SLC35F3: variants seen among roughly 807,000 people sequenced by gnomAD.
SLC35F3 encodes the protein putative thiamine transporter SLC35F3.
Under a neutral mutation model 49.9 loss-of-function variants are expected in SLC35F3, and 25 were observed. The observed-to-expected ratio is 0.50, with a 90% CI of 0.37 to 0.70. The LOEUF is 0.70. SLC35F3 is among the 30% of genes least tolerant of loss of function. The pLI is 0.00. For missense variants in SLC35F3, 525 were observed against 639.8 expected, an observed-to-expected ratio of 0.82 and a Z score of 1.94; for synonymous variants, 275 against 265.4, an observed-to-expected ratio of 1.04 and a Z score of -0.35.
At chr1:234,178,398 T>C (rs1355514964) in intron 2 of SLC35F3, among the ~76,000 whole-genome samples, 6 of 151,988 alleles carry the variant, frequency 3.9e-5, no homozygotes, top group Non-Finnish European at 8.8e-5. Flanking sequence ...TTATATTGTT[T>C]CTCTCATTGA....
chr1:234,024,854 T>C (rs573907654), intron 2 of SLC35F3, among the ~76,000 whole-genome samples: 4 of 152,332 alleles, frequency 2.6e-5, no homozygotes, highest in Non-Finnish European at 4.4e-5. Flanking sequence ...GGGTTACATG[T>C]GCAGGTTTGT....
In SLC35F3 at chr1:234,117,964, GTA is replaced by G. The variant is rs1212715599; in HGVS notation, c.284-113442_284-113441del. ...TGTGTGTGTGTGTGTGTGTGTGTGTGTATATATATATAAAACCACAAGAAACT... is the reference window on the plus strand; with the variant it reads ...TGTGTGTGTGTGTGTGTGTGTGTGTGTATATATATAAAACCACAAGAAACT... On this transcript the variant is annotated intron_variant, in intron 2 of 7. Coordinates refer to ENST00000366618, the MANE Select transcript of SLC35F3 (RefSeq NM_173508.4). Among the ~76,000 whole-genome samples, 22 of 129,960 alleles carry G rather than the reference GTA, an allele frequency of 1.7e-4. 1 individual carries two copies. The highest frequency in any genetic ancestry group is 2.4e-4 in the Non-Finnish European group (15 of 62,672). 85.3% of individuals were successfully genotyped at this position (129,960 alleles called of 152,430 possible).
chr1:233,949,380 G>A (rs1207870072), intron 2 of SLC35F3, among the ~76,000 whole-genome samples: 1 of 152,204 alleles, frequency 6.6e-6, no homozygotes. Flanking sequence ...TTTAAACATC[G>A]TGATGTTCAC....
At chr1:234,171,293 T>C in intron 2 of SLC35F3, among the ~76,000 whole-genome samples, 1 of 152,194 alleles carries the variant, frequency 6.6e-6, no homozygotes, top group East Asian at 1.9e-4. Flanking sequence ...CCAGAGGCCC[T>C]GGCTTAATTA....
intron 2 of SLC35F3, among the ~76,000 whole-genome samples, chr1:233,934,811 A>C (rs1044648616): frequency 2.0e-5 from 3 of 150,932 alleles, no homozygotes; most frequent in African/African-American, 7.3e-5. Flanking sequence ...GCAGATAAAC[A>C]ATGTTTCAAT....
chr1:234,116,709 T>C (rs1490447777), intron 2 of SLC35F3, among the ~76,000 whole-genome samples: 2 of 152,098 alleles, frequency 1.3e-5, no homozygotes, highest in African/African-American at 4.8e-5. Flanking sequence ...AGACAGGGTT[T>C]TACCATATTG....
At chr1:234,197,322 G>A (rs910779378) in intron 2 of SLC35F3, among the ~76,000 whole-genome samples, 14 of 152,146 alleles carry the variant, frequency 9.2e-5, no homozygotes, top group African/African-American at 3.4e-4. Flanking sequence ...AAGGGGGAGG[G>A]GAAGGCCATC....
intron 2 of SLC35F3, among the ~76,000 whole-genome samples, chr1:234,082,256 CAA>C (rs1290274921): frequency 6.6e-6 from 1 of 152,084 alleles, no homozygotes; most frequent in Non-Finnish European, 1.5e-5. Flanking sequence ...ATTTTATAAA[CAA>C]GACAACTTCT....
intron 2 of SLC35F3, among the ~76,000 whole-genome samples, chr1:233,916,044 T>C (rs1661964102): frequency 6.6e-6 from 1 of 152,200 alleles, no homozygotes; most frequent in Admixed American, 6.5e-5. Context: ...ACATTTTCCA[T>C]GGCAAAAGTG....
intron 2 of SLC35F3, among the ~76,000 whole-genome samples, chr1:233,909,770 GC>G (rs539184884): frequency 4.6e-5 from 7 of 152,140 alleles, no homozygotes; most frequent in Non-Finnish European, 8.8e-5. Flanking sequence ...TTACCACCCT[GC>G]CCCCTAAGTT....
intron 3 of SLC35F3, among the ~76,000 whole-genome samples, chr1:234,286,803 G>A (rs1668427578): frequency 6.6e-6 from 1 of 152,216 alleles, no homozygotes. Context: ...GGAAACTTCT[G>A]TCACGACATG....
chr1:234,036,645 CCA>C (rs553594953), intron 2 of SLC35F3, among the ~76,000 whole-genome samples: 21 of 152,326 alleles, frequency 1.4e-4, no homozygotes, highest in Middle Eastern at 3.4e-3. Context: ...CTATTCAGCT[CCA>C]GTCTTTTGTC....
chr1:234,208,328 C>T lies in SLC35F3; in HGVS notation c.284-23089C>T, dbSNP rs540227965. ...GCATGGGAATGAATAGACCAGAGGC[C>T]CCTGTAGATGTCGTACATGTGAACC... is the stretch of plus-strand genomic sequence containing the variant. On this transcript the variant is annotated intron_variant, in intron 2 of 7. Transcript: ENST00000366618. 1.1e-3 allele frequency among the ~76,000 whole-genome samples: 169 copies of T among 152,260 alleles called. 4 individuals carry two copies. In the South Asian group the frequency reaches 0.033, roughly 29 times the overall value.
intron 2 of SLC35F3, among the ~76,000 whole-genome samples, chr1:234,228,022 A>G (rs779534512): frequency 2.0e-5 from 3 of 152,244 alleles, no homozygotes; most frequent in Non-Finnish European, 4.4e-5. Context: ...TCAACTAATT[A>G]TATTACTTTG....
At chr1:234,270,155 G>A (rs970951063) in intron 3 of SLC35F3, among the ~76,000 whole-genome samples, 1 of 152,144 alleles carries the variant, frequency 6.6e-6, no homozygotes, top group Non-Finnish European at 1.5e-5. Flanking sequence ...AATACATGAA[G>A]ACTAATACCT....
intron 2 of SLC35F3, among the ~76,000 whole-genome samples, chr1:234,158,069 G>A (rs1232717589): frequency 6.6e-6 from 1 of 152,096 alleles, no homozygotes; most frequent in African/African-American, 2.4e-5. Flanking sequence ...TTTAACTTTA[G>A]CCTCTCCTTT....
At chr1:234,070,235 C>A (rs1664692702) in intron 2 of SLC35F3, among the ~76,000 whole-genome samples, 2 of 152,156 alleles carry the variant, frequency 1.3e-5, no homozygotes, top group Admixed American at 1.3e-4. Context: ...TCTGACCTTC[C>A]TTCATACAGC....
chr1:234,232,535 A>AAAAAAAAAAAAG (rs1558268167), intron 3 of SLC35F3, among the ~76,000 whole-genome samples: 1 of 144,742 alleles, frequency 6.9e-6, no homozygotes, highest in Non-Finnish European at 1.5e-5. Context: ...AAAAAAAAAA[A>AAAAAAAAAAAAG]AAAAAGAAAA....
At chr1:233,920,616 G>A (rs1558178734) in intron 2 of SLC35F3, among the ~76,000 whole-genome samples, 1 of 152,234 alleles carries the variant, frequency 6.6e-6, no homozygotes, top group Non-Finnish European at 1.5e-5. Context: ...CCTTGAGTGT[G>A]CGTGGGACCT....
Sources: gnomAD v4.1 joint callset for allele counts (sites outside exome capture counted in the v4.1 genomes callset) on GRCh38, gnomAD v4.1.1 for gene constraint, MANE v1.5 for transcripts, NCBI Gene and HGNC (gene_info 2026-07-23, HGNC 2026-07-21) for gene names.